The following GAB2 variants were observed in gnomAD, a reference collection of about 807,000 sequenced individuals.
GAB2 encodes GRB2-associated-binding protein 2.
GAB2 carries 26 observed loss-of-function variants against 65.5 expected under a neutral mutation model. The ratio of observed to expected loss-of-function variants is 0.40; its 90% CI spans 0.29 to 0.55. GAB2 has a LOEUF of 0.55. Among genes scored for constraint, GAB2 ranks in the 20% least tolerant of loss-of-function variants. GAB2 has a pLI of 0.53. For synonymous variants in GAB2, 321 were observed against 329.6 expected (o/e 0.97, Z 0.28); for missense variants, 884 against 875.8 (o/e 1.01, Z -0.12).
chr11:78,411,592 A>T (rs962064182), intron 1 of GAB2, among the ~76,000 whole-genome samples: 1 of 152,242 alleles, frequency 6.6e-6, no homozygotes, highest in Non-Finnish European at 1.5e-5. Context: ...CGGAAAAGCA[A>T]TTCAATGGAA....
intron 1 of GAB2, among the ~76,000 whole-genome samples, chr11:78,393,508 G>A (rs140835759): frequency 1.3e-5 from 2 of 152,226 alleles, no homozygotes; most frequent in African/African-American, 4.8e-5. Flanking sequence ...AAATTAAAAT[G>A]TCTAATATCA....
chr11:78,396,874 G>A (rs545347802), intron 1 of GAB2, among the ~76,000 whole-genome samples: 1 of 152,310 alleles, frequency 6.6e-6, no homozygotes, highest in South Asian at 2.1e-4. Flanking sequence ...TGAGATCACA[G>A]GCGTGAGCCA....
intron 1 of GAB2, among the ~76,000 whole-genome samples, chr11:78,295,894 C>T (rs898072251): frequency 6.6e-6 from 1 of 152,164 alleles, no homozygotes; most frequent in African/African-American, 2.4e-5. Context: ...AGCACAAACA[C>T]TGTATTAGTT....
chr11:78,247,277 T>C (rs1398731508), intron 3 of GAB2, among the ~76,000 whole-genome samples: 1 of 152,132 alleles, frequency 6.6e-6, no homozygotes, highest in African/African-American at 2.4e-5. Flanking sequence ...TTGTCCAGAG[T>C]TTTTAGTTGT....
At chr11:78,319,688 C>A (rs1408208893) in intron 1 of GAB2, among the ~76,000 whole-genome samples, 3 of 152,100 alleles carry the variant, frequency 2.0e-5, no homozygotes, top group Admixed American at 6.5e-5. Flanking sequence ...ACATTTGAGG[C>A]CTTTTCATTT....
intron 1 of GAB2, among the ~76,000 whole-genome samples, chr11:78,300,526 A>AC (rs1866971091): frequency 6.9e-6 from 1 of 145,416 alleles, no homozygotes; most frequent in Non-Finnish European, 1.5e-5. Context: ...TAAAAAAACA[A>AC]AAAAACAAAA....
chr11:78,389,379 T>G (rs1439529782), intron 1 of GAB2, among the ~76,000 whole-genome samples: 1 of 151,752 alleles, frequency 6.6e-6, no homozygotes, highest in Non-Finnish European at 1.5e-5. Context: ...CAATCTCGGC[T>G]CACTGCAACC....
At chr11:78,285,379 A>T (rs1358396180) in intron 1 of GAB2, among the ~76,000 whole-genome samples, 1 of 152,248 alleles carries the variant, frequency 6.6e-6, no homozygotes, top group Non-Finnish European at 1.5e-5. Flanking sequence ...TGCCTACAAA[A>T]TACTGATATA....
chr11:78,319,074 C>A (rs1412369781), intron 1 of GAB2, among the ~76,000 whole-genome samples: 2 of 150,238 alleles, frequency 1.3e-5, no homozygotes, highest in African/African-American at 2.5e-5. Flanking sequence ...GCCCCAGAGG[C>A]CGCTGAGGTT....
At chr11:78,323,797 T>C (rs572305057) in intron 1 of GAB2, among the ~76,000 whole-genome samples, 6 of 137,546 alleles carry the variant, frequency 4.4e-5, no homozygotes, top group Non-Finnish European at 7.8e-5. Context: ...TTTCTTTTTT[T>C]TTTTTTTTTT....
chr11:78,265,547 C>T (rs1288410286), intron 2 of GAB2, among the ~76,000 whole-genome samples: 1 of 152,066 alleles, frequency 6.6e-6, no homozygotes, highest in East Asian at 1.9e-4. Context: ...GTTCACTGAC[C>T]TCATCCATAA....
At chr11:78,287,606 C>CT (rs1176548710) in intron 1 of GAB2, among the ~76,000 whole-genome samples, 1 of 151,630 alleles carries the variant, frequency 6.6e-6, no homozygotes, top group African/African-American at 2.4e-5. Context: ...ACTGAATCCT[C>CT]TTTCCTAAGA....
At chr11:78,259,737 C>T (rs1865684423) in intron 2 of GAB2, among the ~76,000 whole-genome samples, 1 of 152,184 alleles carries the variant, frequency 6.6e-6, no homozygotes, top group Non-Finnish European at 1.5e-5. Context: ...CCTCCTCCTA[C>T]CTCTCAAATC....
At chr11:78,305,323 C>A (rs1406699870) in intron 1 of GAB2, among the ~76,000 whole-genome samples, 1 of 152,144 alleles carries the variant, frequency 6.6e-6, no homozygotes, top group African/African-American at 2.4e-5. Flanking sequence ...TGAGTCTTGT[C>A]TCTGAAACTG....
At chr11:78,237,612 A>G (rs1039895879) in intron 3 of GAB2, among the ~76,000 whole-genome samples, 3 of 152,220 alleles carry the variant, frequency 2.0e-5, no homozygotes, top group Non-Finnish European at 4.4e-5. Context: ...TTCTTCCTAA[A>G]AACTTGTGGG....
chr11:78,263,787 T>C (rs1420658428), intron 2 of GAB2, among the ~76,000 whole-genome samples: 1 of 152,120 alleles, frequency 6.6e-6, no homozygotes, highest in Non-Finnish European at 1.5e-5. Flanking sequence ...GATCATTTAG[T>C]TTAATATTAA....
intron 1 of GAB2, among the ~76,000 whole-genome samples, chr11:78,292,162 C>G (rs1866700678): frequency 6.6e-6 from 1 of 152,166 alleles, no homozygotes; most frequent in Non-Finnish European, 1.5e-5. Flanking sequence ...ACCCAGTAAC[C>G]TCAGTTAGAT....
At chr11:78,275,744 A>G (rs1004226875) in intron 2 of GAB2, among the ~76,000 whole-genome samples, 7 of 152,230 alleles carry the variant, frequency 4.6e-5, no homozygotes, top group Non-Finnish European at 7.3e-5. Context: ...GTGTATATAC[A>G]TATTTCTGTG....
At chr11:78,346,639 C>T (rs1238015742) in intron 1 of GAB2, among the ~76,000 whole-genome samples, 2 of 127,470 alleles carry the variant, frequency 1.6e-5, no homozygotes, top group Non-Finnish European at 3.2e-5. Context: ...GAAGCAAGAA[C>T]AGAGAGGTAT....
Sources: gnomAD v4.1 joint callset for allele counts (sites outside exome capture counted in the v4.1 genomes callset) on GRCh38, gnomAD v4.1.1 for gene constraint, MANE v1.5 for transcripts, NCBI Gene and HGNC (gene_info 2026-07-23, HGNC 2026-07-21) for gene names.